CCDC7: variants seen among roughly 807,000 people sequenced by gnomAD.
CCDC7 encodes the protein coiled-coil domain-containing protein 7.
A neutral mutation model predicts 196.9 loss-of-function variants in CCDC7; 183 were observed. That is an observed-to-expected ratio of 0.93 (90% CI 0.82 to 1.05). CCDC7 has a LOEUF of 1.05. CCDC7 is among the 50% of genes least tolerant of loss of function. CCDC7 has a pLI of 0.00. For missense variants in CCDC7, 1,540 were observed against 1,482.2 expected (o/e 1.04, Z -0.64); for synonymous variants, 525 against 484.6 (o/e 1.08, Z -1.10).
chr10:32,561,799 T>A (rs1236665484), intron 13 of CCDC7, among the ~76,000 whole-genome samples: 4 of 151,662 alleles, frequency 2.6e-5, no homozygotes, highest in Admixed American at 2.6e-4. Flanking sequence ...ATAAGTAAAA[T>A]CAGAGCAGAA....
At chr10:32,854,542 C>A (rs1565720340) in intron 41 of CCDC7, 53 bp downstream of exon 42, 2 of 1,136,640 alleles carry the variant, frequency 1.8e-6, no homozygotes, top group African/African-American at 3.1e-5. Flanking sequence ...ATGCTATATT[C>A]TCATCGTCTC....
chr10:32,514,889 A>C (rs560266179), intron 9 of CCDC7, among the ~76,000 whole-genome samples: 1 of 152,282 alleles, frequency 6.6e-6, no homozygotes, highest in South Asian at 2.1e-4. Context: ...CAGTGATGTA[A>C]TCATAGCTCA....
chr10:32,653,005 T>C (rs2069061932), intron 20 of CCDC7, among the ~76,000 whole-genome samples: 2 of 152,248 alleles, frequency 1.3e-5, no homozygotes, highest in South Asian at 2.1e-4. Flanking sequence ...GTAAGTTTTC[T>C]CACCTTTTGT....
intron 20 of CCDC7, among the ~76,000 whole-genome samples, chr10:32,638,518 A>G (rs2066094040): frequency 6.6e-6 from 1 of 152,178 alleles, no homozygotes; most frequent in Non-Finnish European, 1.5e-5. Flanking sequence ...TTCTGTTTAT[A>G]TGCTGGATTA....
intron 28 of CCDC7, among the ~76,000 whole-genome samples, chr10:32,740,416 CAT>C (rs1197648865): frequency 2.0e-5 from 3 of 152,258 alleles, no homozygotes; most frequent in African/African-American, 4.8e-5. Context: ...TGGGTCCACT[CAT>C]ATGTGGCTTT....
intron 21 of CCDC7, among the ~76,000 whole-genome samples, chr10:32,673,110 C>T (rs937818617): frequency 6.6e-6 from 1 of 152,124 alleles, no homozygotes; most frequent in Admixed American, 6.5e-5. Context: ...ACAATATGTG[C>T]ATAGGGATTA....
Position 32,453,332 on chromosome 10 carries a change from T to C in CCDC7, c.280-12T>C. 6.7e-7 allele frequency: 1 copy of C among 1,482,590 alleles called. No homozygotes were observed. The highest frequency in any genetic ancestry group is 8.9e-7 in the Non-Finnish European group (1 of 1,119,236). The allele number at this position is 1,482,590 out of a possible 1,614,324, so 91.8% of individuals were successfully genotyped here. A position where few individuals can be genotyped will look rare whatever the true frequency, so the allele number is the denominator to read the frequency against. ...TTAAAGTATCTAATTGGCTTTTATT[T>C]TTTTTTTACAGGTTGTTTCCACTTT... On this transcript the variant is annotated splice_polypyrimidine_tract_variant and intron_variant, in intron 1 of 41. Coordinates refer to ENST00000639629, the Ensembl canonical transcript of CCDC7.
chr10:32,531,321 A>T lies in CCDC7; in HGVS notation c.994-11979A>T, dbSNP rs187096631. On this transcript the variant is annotated intron_variant, in intron 11 of 41. Transcript: ENST00000639629. ...TTATCTTTTACAGAGATGAGGTCTC[A>T]CTATGTTGCTCAGGCTTGTCTTGAA... Among the ~76,000 whole-genome samples, 269 of 152,162 alleles carry T rather than the reference A, an allele frequency of 1.8e-3. 6 individuals are homozygous for T. Among genetic ancestry groups the T allele is most frequent in the Admixed American group, 0.017 (267 of 15,264 alleles).
intron 11 of CCDC7, 127 bp from the exon 13 acceptor site, chr10:32,543,173 A>T (rs1282577054): frequency 5.1e-6 from 5 of 977,070 alleles, no homozygotes; most frequent in Non-Finnish European, 2.7e-6. Flanking sequence ...TATGCAGATA[A>T]TTTTTCCTGA....
intron 9 of CCDC7, among the ~76,000 whole-genome samples, chr10:32,516,490 GT>G (rs1344475249): frequency 6.6e-6 from 1 of 152,078 alleles, no homozygotes; most frequent in Non-Finnish European, 1.5e-5. Context: ...GTTTCACCAT[GT>G]TGGCCAGGCT....
At chr10:32,699,980 A>C (rs1258135515) in intron 24 of CCDC7, among the ~76,000 whole-genome samples, 2 of 149,496 alleles carry the variant, frequency 1.3e-5, no homozygotes, top group South Asian at 2.1e-4. Flanking sequence ...GTAGATTGCA[A>C]AAATTTTCTC....
chr10:32,797,226 T>C lies in CCDC7; in HGVS notation c.3014-7789T>C, dbSNP rs1021341914. On this transcript the variant is annotated intron_variant, in intron 29 of 41. Coordinates refer to ENST00000639629, the Ensembl canonical transcript of CCDC7. The stretch of plus-strand genomic sequence containing the variant: ...ATACACACATATACACACACACATA[T>C]ATATGTGTATATATATGCGTATATA... 4.6e-5 allele frequency among the ~76,000 whole-genome samples: 7 copies of C among 151,226 alleles called. No homozygotes were observed. The Admixed American group carries it at 4.6e-4, about 10-fold the overall frequency.
chr10:32,542,633 CAA>C (rs11375465), intron 11 of CCDC7, among the ~76,000 whole-genome samples: 4 of 87,960 alleles, frequency 4.5e-5, no homozygotes, highest in African/African-American at 4.7e-5. Flanking sequence ...ACTCCCATCT[CAA>C]AAAAAAAAAA....
intron 13 of CCDC7, among the ~76,000 whole-genome samples, chr10:32,558,707 A>G (rs530699435): frequency 6.6e-6 from 1 of 152,338 alleles, no homozygotes; most frequent in African/African-American, 2.4e-5. Context: ...CCGAATAGGA[A>G]CAGCTCCGGT....
At chr10:32,474,623 G>C (rs2038641912) in intron 8 of CCDC7, among the ~76,000 whole-genome samples, 1 of 152,066 alleles carries the variant, frequency 6.6e-6, no homozygotes, top group African/African-American at 2.4e-5. Flanking sequence ...ATGTTGGCAG[G>C]CCTTTGAGGT....
chr10:32,500,393 C>G (rs1173402740), intron 9 of CCDC7, among the ~76,000 whole-genome samples: 1 of 150,456 alleles, frequency 6.6e-6, no homozygotes, highest in Non-Finnish European at 1.5e-5. Flanking sequence ...CAGAGACACT[C>G]CTCAGATCCC....
intron 20 of CCDC7, among the ~76,000 whole-genome samples, chr10:32,656,429 G>A (rs1394543144): frequency 6.6e-6 from 1 of 151,054 alleles, no homozygotes; most frequent in African/African-American, 2.5e-5. Context: ...TTGACTCACA[G>A]TTCTGCATGG....
At chr10:32,678,138 G>GCTGGT (rs1565102165) in intron 21 of CCDC7, among the ~76,000 whole-genome samples, 1 of 151,912 alleles carries the variant, frequency 6.6e-6, no homozygotes, top group Non-Finnish European at 1.5e-5. Flanking sequence ...TTATTTGGTT[G>GCTGGT]TCTAGCTGTA....
rs527370912 is a variant in CCDC7 at position 32,849,135 on chromosome 10, C to G, written c.3895+417C>G. 3.4e-5 allele frequency among the ~76,000 whole-genome samples: 5 copies of G among 149,046 alleles called. No individual in the cohort carries two copies. The South Asian group carries it at 1.1e-3, about 32-fold the overall frequency. The stretch of plus-strand genomic sequence containing the variant: ...TTTTGTTTTTTTTTTTTCATTTATA[C>G]CCATCCGAAAGTTACTAAATTATAT... On this transcript the variant is annotated intron_variant, in intron 39 of 41. Coordinates refer to ENST00000639629, the Ensembl canonical transcript of CCDC7.
Sources: gnomAD v4.1 joint callset for allele counts (sites outside exome capture counted in the v4.1 genomes callset) on GRCh38, gnomAD v4.1.1 for gene constraint, MANE v1.5 for transcripts, NCBI Gene and HGNC (gene_info 2026-07-23, HGNC 2026-07-21) for gene names.